Variants in SENP7 observed in about 807,000 individuals in gnomAD.
SENP7 encodes SUMO specific peptidase 7.
Under a neutral mutation model 141.2 loss-of-function variants are expected in SENP7, and 64 were observed. That is an observed-to-expected ratio of 0.45 (90% CI 0.37 to 0.56). The LOEUF is 0.56. SENP7 is among the 20% of genes least tolerant of loss of function. SENP7 has a pLI of 0.00. For synonymous variants in SENP7, 382 were observed against 426.4 expected (o/e 0.90, Z 1.28); for missense variants, 1,025 against 1,212.2 (o/e 0.85, Z 2.29).
At chr3:101,359,834 C>T (rs2059846888) in intron 11 of SENP7, among the ~76,000 whole-genome samples, 1 of 151,842 alleles carries the variant, frequency 6.6e-6, no homozygotes, top group Non-Finnish European at 1.5e-5. Context: ...TAATATTGTT[C>T]CTTTACTAAT....
chr3:101,443,338 T>C (rs932449371), intron 4 of SENP7, among the ~76,000 whole-genome samples: 3 of 152,060 alleles, frequency 2.0e-5, no homozygotes, highest in Admixed American at 6.6e-5. Flanking sequence ...TACCATGCTG[T>C]TTTGGTTACT....
At chr3:101,512,985 G>C (rs541081391) in intron 1 of SENP7, 106 bp downstream of exon 1, 83 of 1,080,706 alleles carry the variant, frequency 7.7e-5, no homozygotes, top group African/African-American at 1.7e-4. Context: ...CCCCGCCCCC[G>C]CCCTCGCCCC....
chr3:101,467,419 C>T (rs1013600829), intron 3 of SENP7, among the ~76,000 whole-genome samples: 7 of 152,240 alleles, frequency 4.6e-5, no homozygotes, highest in South Asian at 2.1e-4. Flanking sequence ...AACTGGGAGA[C>T]GCCTCCCATT....
chr3:101,431,953 T>C (rs1401857818), intron 4 of SENP7, among the ~76,000 whole-genome samples: 1 of 152,186 alleles, frequency 6.6e-6, no homozygotes, highest in Non-Finnish European at 1.5e-5. Context: ...GGTACCAGCA[T>C]GGCCACAGCG....
chr3:101,443,408 G>C (rs946643697), intron 4 of SENP7, among the ~76,000 whole-genome samples: 10 of 151,292 alleles, frequency 6.6e-5, no homozygotes, highest in Admixed American at 6.6e-4. Context: ...TGTTCTTTTG[G>C]CTTAGGATTG....
rs1310637253 is a variant in SENP7 at position 101,414,393 on chromosome 3, G to C, written c.482+3200C>G. 1.1e-4 allele frequency: 92 copies of C among 823,284 alleles called. 1 individual carries two copies. The highest frequency in any genetic ancestry group is 5.8e-4 in the Admixed American group (29 of 49,606). The allele number at this position is 823,284 out of a possible 1,614,324, so 51.0% of individuals were successfully genotyped here. ...ACCAGTGCATCAAGCACTGCCATGT[G>C]CTTCTGGCTCAAGCCCAGGCTTTGG... On this transcript the variant is annotated intron_variant, in intron 5 of 23. Coordinates refer to ENST00000394095, the MANE Select transcript of SENP7 (RefSeq NM_020654.5).
intron 5 of SENP7, 113 bp from the exon 6 acceptor site, chr3:101,399,168 C>T (rs981859520): frequency 2.8e-5 from 16 of 563,936 alleles, no homozygotes; most frequent in Admixed American, 1.5e-4. Context: ...GAAAGCTGTT[C>T]GAACTACACC....
chr3:101,336,528 T>C (rs2059189669), intron 17 of SENP7, among the ~76,000 whole-genome samples: 1 of 152,198 alleles, frequency 6.6e-6, no homozygotes, highest in Non-Finnish European at 1.5e-5. Flanking sequence ...TGCTTCCTCA[T>C]ATGAAAAATT....
intron 5 of SENP7, among the ~76,000 whole-genome samples, chr3:101,414,990 T>C (rs1322683150): frequency 1.3e-5 from 2 of 152,160 alleles, no homozygotes; most frequent in Non-Finnish European, 2.9e-5. Flanking sequence ...CAGGTTAGAG[T>C]TGGTGGAGTT....
At chr3:101,410,902 G>C (rs1368737847) in intron 5 of SENP7, among the ~76,000 whole-genome samples, 1 of 67,304 alleles carries the variant, frequency 1.5e-5, no homozygotes, top group Non-Finnish European at 3.2e-5. Flanking sequence ...ATTAGATATG[G>C]TATCTGTAGC....
chr3:101,381,129 C>T (rs2060489760), intron 6 of SENP7, among the ~76,000 whole-genome samples: 1 of 152,156 alleles, frequency 6.6e-6, no homozygotes, highest in African/African-American at 2.4e-5. Flanking sequence ...ACAGAATGGG[C>T]AAAGTGGGGA....
At chr3:101,459,086 CAT>C (rs2107881493) in intron 3 of SENP7, 34 bp from the exon 4 acceptor site, 1 of 1,240,290 alleles carries the variant, frequency 8.1e-7, no homozygotes. Flanking sequence ...TAATAATAAA[CAT>C]ATCAATATGA....
intron 4 of SENP7, among the ~76,000 whole-genome samples, chr3:101,448,079 T>C (rs945778630): frequency 2.0e-5 from 3 of 152,164 alleles, no homozygotes; most frequent in African/African-American, 7.2e-5. Context: ...TTTCATTCCA[T>C]ACCCAAAAAT....
rs763066616 is a variant in SENP7 at position 101,513,159 on chromosome 3, A to C, written c.-29T>G. 1 of 1,403,594 alleles carries C rather than the reference A, an allele frequency of 7.1e-7. No homozygotes were observed. 86.9% of individuals were successfully genotyped at this position (1,403,594 alleles called of 1,614,324 possible). On this transcript the variant is annotated 5_prime_UTR_variant, in exon 1 of 24. Transcript: ENST00000394095. ...CTCCCGCTGCTGAAATTTCAGTTGC[A>C]GGCGCTGTCACCTCAGGACCCCTCC...
At chr3:101,491,072 T>C (rs1329837793) in intron 3 of SENP7, among the ~76,000 whole-genome samples, 1 of 151,746 alleles carries the variant, frequency 6.6e-6, no homozygotes, top group Non-Finnish European at 1.5e-5. Context: ...TCATTAATAG[T>C]GGTTGCCTTT....
intron 6 of SENP7, among the ~76,000 whole-genome samples, chr3:101,380,442 C>A (rs945694753): frequency 9.4e-6 from 1 of 106,240 alleles, no homozygotes; most frequent in Non-Finnish European, 2.1e-5. Context: ...ACCGCCCCCC[C>A]CCCCACACAC....
chr3:101,506,918 A>T (rs2065640564), intron 1 of SENP7, among the ~76,000 whole-genome samples: 1 of 152,130 alleles, frequency 6.6e-6, no homozygotes. Context: ...AAAAATAGCC[A>T]GGCATGATAG....
chr3:101,470,452 C>T (rs1485900656), intron 3 of SENP7, among the ~76,000 whole-genome samples: 1 of 152,082 alleles, frequency 6.6e-6, no homozygotes, highest in South Asian at 2.1e-4. Flanking sequence ...AAATTAAAAA[C>T]CTTCATGCCA....
intron 15 of SENP7, among the ~76,000 whole-genome samples, chr3:101,341,224 G>A (rs1395021904): frequency 2.0e-5 from 3 of 152,178 alleles, no homozygotes; most frequent in African/African-American, 4.8e-5. Flanking sequence ...AGACATGGAT[G>A]AAATATGAAC....
Sources: gnomAD v4.1 joint callset for allele counts (sites outside exome capture counted in the v4.1 genomes callset) on GRCh38, gnomAD v4.1.1 for gene constraint, MANE v1.5 for transcripts, NCBI Gene and HGNC (gene_info 2026-07-23, HGNC 2026-07-21) for gene names.